The following SYCP1 variants were observed in gnomAD, a reference collection of about 807,000 sequenced individuals.
SYCP1 encodes the protein synaptonemal complex protein 1, also known as cancer/testis antigen 8.
In SYCP1, 64 loss-of-function variants were observed where a neutral mutation model predicts 153.1. The observed-to-expected ratio is 0.42, with a 90% CI of 0.34 to 0.51. SYCP1 has a LOEUF of 0.51. SYCP1 is among the 20% of genes least tolerant of loss of function. The pLI is 0.06. For synonymous variants in SYCP1, 384 were observed against 341.8 expected, an observed-to-expected ratio of 1.12 and a Z score of -1.36; for missense variants, 997 against 1,049.0, an observed-to-expected ratio of 0.95 and a Z score of 0.68.
chr1:114,906,425 T>G (rs189881730), intron 16 of SYCP1, among the ~76,000 whole-genome samples: 397 of 152,296 alleles, frequency 2.6e-3, no homozygotes, highest in African/African-American at 8.7e-3. Context: ...TTTGAGTTTA[T>G]TTTGCTCTCT....
intron 21 of SYCP1, among the ~76,000 whole-genome samples, chr1:114,925,273 C>A (rs1377837603): frequency 1.3e-5 from 2 of 152,044 alleles, no homozygotes; most frequent in Non-Finnish European, 2.9e-5. Flanking sequence ...CACTGCAGAT[C>A]ATTAAGCCTG....
rs377063927 is a variant in SYCP1, at chr1:114,858,556, G to A, written c.301G>A (p.Gly101Arg). Residue 101 changes from glycine to arginine, a missense_variant, in exon 6 of 32, where the codon GGA (glycine) becomes AGA (arginine). Transcript: ENST00000369522. ...AAACATATTTTAATAGAATTCAGAG[G>A]GATTGAGCAGAGTGTATTCAAAACT... ...LKDSDLENSE[G>R]LSRVYSKLYK... is the part of the protein sequence containing the mutation. 1.9e-6 allele frequency: 3 copies of A among 1,585,724 alleles called. No homozygotes were observed. The highest frequency in any genetic ancestry group is 2.2e-5 in the East Asian group (1 of 44,552).
intron 28 of SYCP1, 184 bp downstream of exon 28, chr1:114,977,800 G>A (rs1672899881): frequency 2.7e-6 from 1 of 370,432 alleles, no homozygotes; most frequent in Non-Finnish European, 4.9e-6. Context: ...TCAAAATTTT[G>A]TCATTTGGAG....
At chr1:114,935,727 C>G (rs1669954312) in intron 23 of SYCP1, among the ~76,000 whole-genome samples, 1 of 152,086 alleles carries the variant, frequency 6.6e-6, no homozygotes, top group African/African-American at 2.4e-5. Flanking sequence ...GGGATATCAC[C>G]AGTGATCCCA....
chr1:114,858,425 A>G, intron 5 of SYCP1, 122 bp from the exon 6 acceptor site: 1 of 701,836 alleles, frequency 1.4e-6, no homozygotes, highest in East Asian at 2.8e-5. Flanking sequence ...GTATGCTATT[A>G]GTGCTTAAAT....
chr1:114,892,299 G>A (rs1176044961), intron 15 of SYCP1, among the ~76,000 whole-genome samples: 2 of 152,142 alleles, frequency 1.3e-5, no homozygotes, highest in Non-Finnish European at 2.9e-5. Context: ...AGCAGTTGTG[G>A]TGAGCTGGGA....
rs1670767283 is a variant in SYCP1, at chr1:114,947,254, A to G, written c.2256A>G (p.Glu752=). The G allele has an allele frequency of 1.2e-6, 2 of 1,611,384 alleles. No individual in the cohort carries two copies. Among genetic ancestry groups the G allele is most frequent in the Non-Finnish European group, 1.7e-6 (2 of 1,178,708 alleles). The part of the protein sequence containing the change: ...QSSLRASLEI[E]LSNLKAELLS... ...TGTTTCTTTTTCTTTAGGAGATTGA[A>G]CTATCCAATCTCAAAGCTGAACTTT... The change falls in exon 27 of 32, where the codon GAA becomes GAG. Residue 752 remains glutamate (E), a synonymous_variant. Transcript: ENST00000369522.
intron 1 of SYCP1, 127 bp from the exon 2 acceptor site, chr1:114,855,314 G>C: frequency 2.0e-6 from 1 of 488,308 alleles, no homozygotes; most frequent in Non-Finnish European, 3.6e-6. Flanking sequence ...ACTGTAGCGA[G>C]AGCCCCGTGG....
At chr1:114,909,391 A>AT (rs959742766) in intron 16 of SYCP1, among the ~76,000 whole-genome samples, 7 of 145,200 alleles carry the variant, frequency 4.8e-5, no homozygotes, top group African/African-American at 1.3e-4. Context: ...ACTTGTGTTA[A>AT]TTTTTTTTTT....
intron 21 of SYCP1, among the ~76,000 whole-genome samples, chr1:114,925,593 T>C (rs1394254096): frequency 6.6e-6 from 1 of 152,160 alleles, no homozygotes; most frequent in Non-Finnish European, 1.5e-5. Flanking sequence ...TTTTTTATTT[T>C]ATATATATTT....
intron 26 of SYCP1, 71 bp from the exon 27 acceptor site, chr1:114,947,175 C>G: frequency 9.2e-7 from 1 of 1,091,306 alleles, no homozygotes; most frequent in East Asian, 2.4e-5. Context: ...ACTCAGAGCA[C>G]TAGTTTATAT....
At chr1:114,917,721 C>G (rs1668598838) in intron 20 of SYCP1, among the ~76,000 whole-genome samples, 1 of 152,110 alleles carries the variant, frequency 6.6e-6, no homozygotes, top group Non-Finnish European at 1.5e-5. Context: ...ATTTGCATTT[C>G]TCTGATGATC....
intron 14 of SYCP1, among the ~76,000 whole-genome samples, chr1:114,886,887 G>A (rs1013452381): frequency 1.3e-5 from 2 of 151,802 alleles, no homozygotes; most frequent in South Asian, 4.2e-4. Context: ...TCTAATGCTT[G>A]AGTGTTAAAG....
At chr1:114,856,921 CAAAA>C (rs758650224) in intron 3 of SYCP1, among the ~76,000 whole-genome samples, 17 of 37,290 alleles carry the variant, frequency 4.6e-4, no homozygotes, top group East Asian at 8.6e-4. Flanking sequence ...CCTGTCTGTA[CAAAA>C]AAAAAAAAAA....
intron 8 of SYCP1, among the ~76,000 whole-genome samples, chr1:114,862,198 A>G (rs1557751642): frequency 6.6e-6 from 1 of 152,108 alleles, no homozygotes; most frequent in Admixed American, 6.5e-5. Flanking sequence ...CCTCTACTAT[A>G]TCCTATGTAC....
At position 114,911,531 on chromosome 1, in the gene SYCP1, A is replaced by G. The variant is rs1012070572; in HGVS notation, c.1478A>G (p.Gln493Arg). The change falls in exon 18 of 32, where the codon CAG becomes CGG. Residue 493 changes from glutamine to arginine, a missense_variant. This residue lies in a region of SYCP1 where 712 missense variants were observed against 682.9 expected (regional missense o/e 1.04). Transcript: ENST00000369522. ...TTAACTGCCATTACCACAAGTGAAC[A>G]GTATTATTCAAAAGAGGTTAAAGAT... ...IQLTAITTSE[Q>R]YYSKEVKDLK... The G allele has an allele frequency of 1.3e-6, 2 of 1,554,164 alleles. No individual in the cohort carries two copies. The highest frequency in any genetic ancestry group is 1.7e-6 in the Non-Finnish European group (2 of 1,155,148).
intron 16 of SYCP1, among the ~76,000 whole-genome samples, chr1:114,896,989 G>C (rs1055018739): frequency 2.6e-5 from 4 of 152,166 alleles, no homozygotes; most frequent in African/African-American, 9.7e-5. Flanking sequence ...TACCACACAG[G>C]AATAGGAGGG....
At chr1:114,928,895 A>G (rs942084698) in intron 23 of SYCP1, among the ~76,000 whole-genome samples, 2 of 152,212 alleles carry the variant, frequency 1.3e-5, no homozygotes, top group Non-Finnish European at 2.9e-5. Context: ...ACTGGGTGGC[A>G]TATAAACAAT....
intron 20 of SYCP1, among the ~76,000 whole-genome samples, chr1:114,917,634 G>A (rs1208963901): frequency 1.3e-5 from 2 of 151,962 alleles, no homozygotes; most frequent in African/African-American, 2.4e-5. Context: ...CTGCATCCTC[G>A]CCAGTATTTT....
Sources: gnomAD v4.1 joint callset for allele counts (sites outside exome capture counted in the v4.1 genomes callset) on GRCh38, gnomAD v4.1.1 for gene constraint, gnomAD v4.1.1 regional missense constraint, MANE v1.5 for transcripts, NCBI Gene and HGNC (gene_info 2026-07-23, HGNC 2026-07-21) for gene names.